The following CPQ variants were observed in gnomAD, a reference collection of about 807,000 sequenced individuals.
CPQ encodes the protein carboxypeptidase Q, also known as Ser-Met dipeptidase.
CPQ carries 37 observed loss-of-function variants against 45.7 expected under a neutral mutation model. The ratio of observed to expected loss-of-function variants is 0.81; its 90% CI spans 0.62 to 1.07. The LOEUF (loss-of-function observed/expected upper bound fraction) is 1.07, where lower values mean the gene tolerates loss of function less well. Among genes scored for constraint, CPQ ranks in the 50% least tolerant of loss-of-function variants. The pLI is 0.00. For synonymous variants in CPQ, 186 were observed against 205.8 expected (o/e 0.90, Z 0.82); for missense variants, 537 against 572.9 (o/e 0.94, Z 0.64).
At chr8:96,991,643 T>C (rs1809094892) in intron 5 of CPQ, among the ~76,000 whole-genome samples, 1 of 151,790 alleles carries the variant, frequency 6.6e-6, no homozygotes, top group African/African-American at 2.4e-5. Context: ...CTTTAACATT[T>C]CCTTCCCTGC....
chr8:97,027,298 A>G (rs571078619), intron 5 of CPQ, among the ~76,000 whole-genome samples: 2 of 152,242 alleles, frequency 1.3e-5, no homozygotes, highest in South Asian at 2.1e-4. Flanking sequence ...TGGGCACTCT[A>G]GAATTCTTTT....
At chr8:96,884,659 A>G (rs947072665) in intron 4 of CPQ, among the ~76,000 whole-genome samples, 5 of 152,194 alleles carry the variant, frequency 3.3e-5, no homozygotes, top group African/African-American at 1.2e-4. Flanking sequence ...ATGATGGTGA[A>G]AGGCAATGTC....
intron 1 of CPQ, among the ~76,000 whole-genome samples, chr8:96,779,661 T>C (rs189638857): frequency 0.023 from 3,159 of 139,824 alleles, 123 homozygotes; most frequent in African/African-American, 0.074. Context: ...TATTGTGAAA[T>C]AGTTAATTAA....
intron 7 of CPQ, among the ~76,000 whole-genome samples, chr8:97,111,385 G>A (rs1229619292): frequency 6.6e-6 from 1 of 152,116 alleles, no homozygotes. Flanking sequence ...TGAGATGACG[G>A]CCTCCCTCAT....
chr8:96,742,844 T>C (rs1205967438), intron 1 of CPQ, among the ~76,000 whole-genome samples: 6 of 152,202 alleles, frequency 3.9e-5, no homozygotes, highest in Non-Finnish European at 8.8e-5. Flanking sequence ...CCGAGAGATC[T>C]GCTGTTAGTC....
chr8:96,719,454 A>T (rs1273944379), intron 1 of CPQ, among the ~76,000 whole-genome samples: 2 of 151,910 alleles, frequency 1.3e-5, no homozygotes, highest in African/African-American at 2.4e-5. Flanking sequence ...CCCGGTTGCC[A>T]CTCGCGCCTC....
chr8:96,647,291 C>T (rs1490019986), intron 1 of CPQ, among the ~76,000 whole-genome samples: 1 of 152,132 alleles, frequency 6.6e-6, no homozygotes, highest in Non-Finnish European at 1.5e-5. Context: ...ACACATGTTG[C>T]TTGGTGAAAA....
chr8:96,678,452 G>A (rs1809104118), intron 1 of CPQ, among the ~76,000 whole-genome samples: 1 of 151,942 alleles, frequency 6.6e-6, no homozygotes, highest in East Asian at 1.9e-4. Flanking sequence ...TTGCTGGAGT[G>A]TATAGTAGTT....
At chr8:96,737,475 T>C (rs531841565) in intron 1 of CPQ, among the ~76,000 whole-genome samples, 12 of 151,772 alleles carry the variant, frequency 7.9e-5, no homozygotes, top group Admixed American at 5.3e-4. Context: ...GAAGAACTTG[T>C]AGTCCATTGT....
At chr8:96,700,453 A>C (rs1436734447) in intron 1 of CPQ, among the ~76,000 whole-genome samples, 1 of 152,128 alleles carries the variant, frequency 6.6e-6, no homozygotes, top group Admixed American at 6.5e-5. Flanking sequence ...GAGTGCGTGG[A>C]CCAGTGACTG....
intron 1 of CPQ, among the ~76,000 whole-genome samples, chr8:96,687,214 T>C (rs990592987): frequency 1.3e-5 from 2 of 151,976 alleles, no homozygotes; most frequent in African/African-American, 4.8e-5. Context: ...TTTTTTTCTT[T>C]TTCTTTTTCT....
intron 1 of CPQ, among the ~76,000 whole-genome samples, chr8:96,740,318 C>T (rs1332508698): frequency 6.6e-6 from 1 of 152,032 alleles, no homozygotes; most frequent in African/African-American, 2.4e-5. Context: ...ATTTTTTATC[C>T]TGAGACTTTG....
chr8:96,955,629 C>T (rs1156749069), intron 4 of CPQ, among the ~76,000 whole-genome samples: 3 of 152,162 alleles, frequency 2.0e-5, no homozygotes, highest in African/African-American at 7.2e-5. Context: ...AACTATACTA[C>T]AAGGCTACAG....
intron 1 of CPQ, among the ~76,000 whole-genome samples, chr8:96,707,500 T>C (rs1210631151): frequency 6.6e-6 from 1 of 151,966 alleles, no homozygotes; most frequent in African/African-American, 2.4e-5. Flanking sequence ...CTATCCTTAG[T>C]GTTAGCATAT....
Position 97,076,048 on chromosome 8 carries a change from T to C in CPQ, c.1255+9838T>C, listed in dbSNP as rs185474932. ...TTTGTTTGTTTTTTGTTTTTTGAGA[T>C]GGAATCTTGCTCTGTTGCTCAGGCT... On this transcript the variant is annotated intron_variant, in intron 7 of 7. Transcript: ENST00000220763. Among the ~76,000 whole-genome samples the C allele has an allele frequency of 3.4e-3, 513 of 152,214 alleles. 14 individuals are homozygous for C. Among genetic ancestry groups the C allele is most frequent in the Admixed American group, 0.029 (446 of 15,276 alleles).
intron 6 of CPQ, among the ~76,000 whole-genome samples, chr8:97,043,852 C>A (rs546166650): frequency 6.6e-6 from 1 of 152,152 alleles, no homozygotes; most frequent in Non-Finnish European, 1.5e-5. Flanking sequence ...CCGAGAGATC[C>A]GCTGTTAGTC....
chr8:96,754,731 T>C lies in CPQ; in HGVS notation c.-34-30133T>C, dbSNP rs577140204. 5.9e-5 allele frequency among the ~76,000 whole-genome samples: 9 copies of C among 152,198 alleles called. No homozygotes were observed. The East Asian group carries it at 1.5e-3, about 26-fold the overall frequency. On this transcript the variant is annotated intron_variant, in intron 1 of 7. Transcript: ENST00000220763. Reference sequence around the variant, plus strand: ...GTGAGTGGAATTCTCTTTTAATTCTTAAAATATGTTTCATTTACCTGTTGG... The same window carrying C: ...GTGAGTGGAATTCTCTTTTAATTCTCAAAATATGTTTCATTTACCTGTTGG...
intron 1 of CPQ, among the ~76,000 whole-genome samples, chr8:96,767,232 A>G (rs193108748): frequency 1.8e-4 from 27 of 152,312 alleles, no homozygotes; most frequent in African/African-American, 6.3e-4. Context: ...GATTTAGTAG[A>G]TCGCAAGGCA....
intron 6 of CPQ, among the ~76,000 whole-genome samples, chr8:97,053,168 C>T (rs1810390423): frequency 6.6e-6 from 1 of 152,174 alleles, no homozygotes; most frequent in Admixed American, 6.5e-5. Flanking sequence ...TAAACACACA[C>T]ATACATGCAT....
Sources: gnomAD v4.1 joint callset for allele counts (sites outside exome capture counted in the v4.1 genomes callset) on GRCh38, gnomAD v4.1.1 for gene constraint, MANE v1.5 for transcripts, NCBI Gene and HGNC (gene_info 2026-07-23, HGNC 2026-07-21) for gene names.